The following EXT1 variants were observed in gnomAD, a reference collection of about 807,000 sequenced individuals.
The protein encoded by EXT1 is exostosin-1.
In EXT1, 20 loss-of-function variants were observed where a neutral mutation model predicts 82.5. That is an observed-to-expected ratio of 0.24 (90% CI 0.17 to 0.35). The LOEUF (loss-of-function observed/expected upper bound fraction) is 0.35, where lower values mean the gene tolerates loss of function less well. Among genes scored for constraint, EXT1 ranks in the 10% least tolerant of loss-of-function variants. EXT1 has a pLI of 1.00. For missense variants in EXT1, 757 were observed against 936.5 expected (o/e 0.81, Z 2.50); for synonymous variants, 348 against 350.8 (o/e 0.99, Z 0.09).
At chr8:118,014,211 G>A (rs1815960926) in intron 1 of EXT1, among the ~76,000 whole-genome samples, 1 of 152,050 alleles carries the variant, frequency 6.6e-6, no homozygotes, top group Admixed American at 6.6e-5. Flanking sequence ...TAAAGATATT[G>A]GTAATAAAAT....
chr8:117,907,823 C>T lies in EXT1; in HGVS notation c.963-70622G>A, dbSNP rs774059518. ...ATTAGGAAACTCTCACTTTTTGAAG[C>T]GATCTATAAAGTCTAGTAATCAGCC... On this transcript the variant is annotated intron_variant, in intron 1 of 10. Transcript: ENST00000378204. Among the ~76,000 whole-genome samples the T allele has an allele frequency of 3.9e-5, 6 of 152,116 alleles. No homozygotes were observed. The South Asian group carries it at 1.0e-3, about 26-fold the overall frequency.
intron 1 of EXT1, among the ~76,000 whole-genome samples, chr8:117,961,547 A>G (rs770661152): frequency 6.6e-6 from 1 of 152,240 alleles, no homozygotes; most frequent in Non-Finnish European, 1.5e-5. Flanking sequence ...ATGAGTCTAT[A>G]CTTCTGAATT....
At chr8:117,962,975 C>A (rs997583017) in intron 1 of EXT1, among the ~76,000 whole-genome samples, 3 of 152,110 alleles carry the variant, frequency 2.0e-5, no homozygotes, top group Non-Finnish European at 4.4e-5. Context: ...AGGGCAGATG[C>A]ACCTGAATGT....
At chr8:117,835,577 A>C (rs757341533) in intron 2 of EXT1, 26 bp from the exon 3 acceptor site, 17 of 1,543,002 alleles carry the variant, frequency 1.1e-5, no homozygotes, top group Non-Finnish European at 1.4e-5. Context: ...GACTTCGTGA[A>C]TGTGAGGAAA....
At chr8:118,055,755 G>A (rs930166351) in intron 1 of EXT1, among the ~76,000 whole-genome samples, 25 of 152,072 alleles carry the variant, frequency 1.6e-4, no homozygotes, top group Non-Finnish European at 8.8e-5. Context: ...TATTATTCTC[G>A]CAAAATCTTA....
chr8:117,981,642 G>C (rs759313110), intron 1 of EXT1, among the ~76,000 whole-genome samples: 2 of 151,850 alleles, frequency 1.3e-5, no homozygotes, highest in African/African-American at 4.8e-5. Flanking sequence ...GGCCAAGGCA[G>C]GCAGATCACT....
Position 117,794,741 on chromosome 8 carries a change from C to T in EXT1, c.*4971G>A, listed in dbSNP as rs1823068153. On this transcript the variant is annotated 3_prime_UTR_variant, in exon 11 of 11. Coordinates refer to ENST00000378204, the MANE Select transcript of EXT1 (RefSeq NM_000127.3). ...TCTATAACAAATGGGAAAAACACTT[C>T]AGAAAAGACCTGTGGTGACACTACA... 2 of 152,170 alleles carry T rather than the reference C, an allele frequency of 1.3e-5. No individual in the cohort carries two copies. Among genetic ancestry groups the T allele is most frequent in the Admixed American group, 1.3e-4 (2 of 15,276 alleles). The allele number at this position is 152,170 out of a possible 1,614,324, so 9.4% of individuals were successfully genotyped here.
At chr8:118,053,719 CAT>C (rs1282190745) in intron 1 of EXT1, among the ~76,000 whole-genome samples, 4 of 152,348 alleles carry the variant, frequency 2.6e-5, no homozygotes, top group African/African-American at 7.2e-5. Flanking sequence ...CCATTTTACA[CAT>C]GAGGGAGCTG....
chr8:118,035,739 T>C (rs1187482436), intron 1 of EXT1, among the ~76,000 whole-genome samples: 2 of 152,194 alleles, frequency 1.3e-5, no homozygotes, highest in Non-Finnish European at 2.9e-5. Flanking sequence ...CACATAGCTA[T>C]GGAAATGACC....
intron 1 of EXT1, among the ~76,000 whole-genome samples, chr8:118,024,729 CAGA>C (rs1295120332): frequency 1.3e-5 from 2 of 152,172 alleles, no homozygotes; most frequent in African/African-American, 2.4e-5. Flanking sequence ...GAGGAATTAA[CAGA>C]AGAACAGGAA....
intron 1 of EXT1, among the ~76,000 whole-genome samples, chr8:117,962,205 A>G (rs1287719574): frequency 6.6e-6 from 1 of 152,172 alleles, no homozygotes; most frequent in Non-Finnish European, 1.5e-5. Flanking sequence ...CCCAGTGGCT[A>G]TAGTAAACAA....
At chr8:117,817,996 A>G (rs1033648119) in intron 7 of EXT1, among the ~76,000 whole-genome samples, 1 of 152,226 alleles carries the variant, frequency 6.6e-6, no homozygotes, top group African/African-American at 2.4e-5. Flanking sequence ...GAATGGGAGA[A>G]AGAAACACCA....
chr8:118,083,731 A>G (rs933279370), intron 1 of EXT1, among the ~76,000 whole-genome samples: 34 of 152,286 alleles, frequency 2.2e-4, no homozygotes, highest in African/African-American at 7.7e-4. Context: ...ATGGGTCTCA[A>G]TAAGAAAAGA....
At chr8:118,066,509 C>T (rs971445560) in intron 1 of EXT1, among the ~76,000 whole-genome samples, 3 of 149,512 alleles carry the variant, frequency 2.0e-5, no homozygotes, top group African/African-American at 7.7e-5. Context: ...CAGGTGCGCA[C>T]CACCCACACC....
At chr8:118,082,768 A>C (rs1224239472) in intron 1 of EXT1, among the ~76,000 whole-genome samples, 1 of 152,204 alleles carries the variant, frequency 6.6e-6, no homozygotes, top group Non-Finnish European at 1.5e-5. Flanking sequence ...TTCCATTTCA[A>C]ATGGTTTTCT....
intron 1 of EXT1, among the ~76,000 whole-genome samples, chr8:117,841,484 A>G (rs10113092): frequency 6.6e-6 from 1 of 152,090 alleles, no homozygotes; most frequent in Non-Finnish European, 1.5e-5. Context: ...CTCGTTTCTT[A>G]TGTTTAGAAA....
intron 1 of EXT1, among the ~76,000 whole-genome samples, chr8:118,091,535 G>C (rs1030843937): frequency 1.3e-5 from 2 of 152,052 alleles, no homozygotes; most frequent in Admixed American, 1.3e-4. Context: ...TCAGGAGATT[G>C]AGACCATCCT....
At chr8:117,992,878 T>A (rs1478929892) in intron 1 of EXT1, among the ~76,000 whole-genome samples, 3 of 152,220 alleles carry the variant, frequency 2.0e-5, no homozygotes, top group Non-Finnish European at 1.5e-5. Flanking sequence ...GTGGTGACAG[T>A]GTCAAGCAGA....
intron 1 of EXT1, among the ~76,000 whole-genome samples, chr8:117,939,394 AC>A (rs1223905620): frequency 3.3e-5 from 5 of 151,990 alleles, no homozygotes; most frequent in Non-Finnish European, 7.4e-5. Context: ...ACATGGCGAA[AC>A]CCTGTCTCTA....
Sources: gnomAD v4.1 joint callset for allele counts (sites outside exome capture counted in the v4.1 genomes callset) on GRCh38, gnomAD v4.1.1 for gene constraint, MANE v1.5 for transcripts, NCBI Gene and HGNC (gene_info 2026-07-23, HGNC 2026-07-21) for gene names.